The following SLIT3 variants were observed in gnomAD, a reference collection of about 807,000 sequenced individuals.
The protein encoded by SLIT3 is slit homolog 3 protein.
In SLIT3, 68 loss-of-function variants were observed where a neutral mutation model predicts 184.0. That is an observed-to-expected ratio of 0.37 (90% confidence interval 0.30 to 0.45). SLIT3 has a LOEUF of 0.45. Ranked by LOEUF, SLIT3 falls within the 20% of genes least tolerant of loss-of-function variation. SLIT3 has a pLI of 1.00. For synonymous variants in SLIT3, 831 were observed against 828.6 expected, an observed-to-expected ratio of 1.00 and a Z score of -0.05; for missense variants, 1,707 against 2,026.0, an observed-to-expected ratio of 0.84 and a Z score of 3.02.
At chr5:168,971,356 C>T (rs181141614) in intron 4 of SLIT3, among the ~76,000 whole-genome samples, 1 of 152,324 alleles carries the variant, frequency 6.6e-6, no homozygotes, top group Admixed American at 6.5e-5. Context: ...ACAACATGGC[C>T]AGGTGGTGGG....
chr5:169,054,801 C>G (rs1236805379), intron 4 of SLIT3, among the ~76,000 whole-genome samples: 1 of 152,176 alleles, frequency 6.6e-6, no homozygotes, highest in Non-Finnish European at 1.5e-5. Context: ...TTGCCTAACT[C>G]CTACACATCC....
At chr5:169,229,642 TTCTCTCTCTCTC>T (rs60056409) in intron 3 of SLIT3, among the ~76,000 whole-genome samples, 28 of 148,324 alleles carry the variant, frequency 1.9e-4, no homozygotes, top group African/African-American at 6.2e-4. Flanking sequence ...AAATAAATTC[TTCTCTCTCTCTC>T]TCTCTCTCTC....
At chr5:168,760,363 G>C (rs1463735851) in intron 16 of SLIT3, among the ~76,000 whole-genome samples, 1 of 152,212 alleles carries the variant, frequency 6.6e-6, no homozygotes, top group Non-Finnish European at 1.5e-5. Flanking sequence ...CCAAGGCATG[G>C]TCAGACCCAC....
chr5:169,187,111 G>GTTT (rs761501769), intron 4 of SLIT3, among the ~76,000 whole-genome samples: 2,538 of 94,302 alleles, frequency 0.027, 305 homozygotes, highest in African/African-American at 0.095. Context: ...GCAGCTATAG[G>GTTT]TTTTTTTTTT....
At chr5:168,837,546 G>A (rs1719659305) in intron 6 of SLIT3, among the ~76,000 whole-genome samples, 1 of 152,174 alleles carries the variant, frequency 6.6e-6, no homozygotes, top group South Asian at 2.1e-4. Flanking sequence ...AATGATTCCA[G>A]GACAACCATA....
intron 9 of SLIT3, among the ~76,000 whole-genome samples, chr5:168,802,146 G>GAA (rs57706263): frequency 1.0e-4 from 11 of 109,778 alleles, no homozygotes; most frequent in African/African-American, 1.2e-4. Context: ...TTCTCAATAA[G>GAA]AAAAAAAAAA....
At position 168,942,023 on chromosome 5, in the gene SLIT3, C is replaced by T. The variant is rs1006073154; in HGVS notation, c.414-58687G>A. Among the ~76,000 whole-genome samples, 6 of 152,226 alleles carry T rather than the reference C, an allele frequency of 3.9e-5. No individual in the cohort carries two copies. The East Asian group carries it at 9.7e-4, about 24-fold the overall frequency. ...CTGCATCTTTTTCAGTGTTGCTGTT[C>T]GGGATGAAAGGGAGGAGTGGGGCCA... On this transcript the variant is annotated intron_variant, in intron 4 of 35. Transcript: ENST00000519560.
At chr5:168,789,114 G>A (rs1408703511) in intron 11 of SLIT3, among the ~76,000 whole-genome samples, 1 of 152,102 alleles carries the variant, frequency 6.6e-6, no homozygotes, top group African/African-American at 2.4e-5. Flanking sequence ...TTAGGACAAT[G>A]GCCATGAGGG....
Position 168,817,356 on chromosome 5 carries a change from A to AAT in SLIT3, c.736_737insAT (p.Val246AspfsTer4). 1 of 1,614,166 alleles carries AAT rather than the reference A, an allele frequency of 6.2e-7. No individual in the cohort carries two copies. On this transcript the variant is annotated frameshift_variant, in exon 8 of 36. Coordinates refer to ENST00000519560, the MANE Select transcript of SLIT3 (RefSeq NM_003062.4). LOFTEE classifies it high-confidence loss of function. ...CGCCACGTTGAAGCCCCTCAAATGCACAGGAGCCATGCAGAGTGTGAACTG... is the reference window on the plus strand; with the variant it reads ...CGCCACGTTGAAGCCCCTCAAATGCAATCAGGAGCCATGCAGAGTGTGAACTG...
intron 20 of SLIT3, among the ~76,000 whole-genome samples, chr5:168,724,992 G>A (rs1440228262): frequency 6.6e-6 from 1 of 152,156 alleles, no homozygotes; most frequent in Admixed American, 6.5e-5. Flanking sequence ...TCCGGAAGCT[G>A]TTGGGAGAAC....
intron 4 of SLIT3, among the ~76,000 whole-genome samples, chr5:169,192,217 G>C (rs1763576810): frequency 1.3e-5 from 2 of 152,134 alleles, no homozygotes; most frequent in African/African-American, 4.8e-5. Flanking sequence ...GTAAAAAGGA[G>C]GGTATAGCCT....
chr5:168,729,308 C>T (rs1763226019), intron 20 of SLIT3, among the ~76,000 whole-genome samples: 1 of 151,932 alleles, frequency 6.6e-6, no homozygotes, highest in Non-Finnish European at 1.5e-5. Context: ...CAGGCAAATA[C>T]ATTGCAAAAA....
intron 5 of SLIT3, among the ~76,000 whole-genome samples, chr5:168,871,143 G>A (rs533504042): frequency 2.0e-5 from 3 of 152,150 alleles, no homozygotes; most frequent in African/African-American, 7.2e-5. Flanking sequence ...TTCCAGGATC[G>A]GGGTTGTCCT....
chr5:168,903,170 A>G (rs545897667), intron 4 of SLIT3, among the ~76,000 whole-genome samples: 1 of 152,290 alleles, frequency 6.6e-6, no homozygotes, highest in Non-Finnish European at 1.5e-5. Context: ...GTAAATTTTC[A>G]TTTAAAAAGC....
At chr5:168,964,358 A>G (rs1436361084) in intron 4 of SLIT3, among the ~76,000 whole-genome samples, 3 of 152,244 alleles carry the variant, frequency 2.0e-5, no homozygotes, top group Non-Finnish European at 4.4e-5. Flanking sequence ...GTTGGAAGTA[A>G]GTTTCCTGGA....
chr5:168,853,533 A>G (rs1354479211), intron 5 of SLIT3, among the ~76,000 whole-genome samples: 1 of 152,218 alleles, frequency 6.6e-6, no homozygotes, highest in Non-Finnish European at 1.5e-5. Flanking sequence ...AAACCATCAC[A>G]ACCATGATAA....
intron 4 of SLIT3, among the ~76,000 whole-genome samples, chr5:169,047,207 AG>A (rs1327101861): frequency 6.6e-6 from 1 of 152,102 alleles, no homozygotes; most frequent in Non-Finnish European, 1.5e-5. Flanking sequence ...CACCTTCTCG[AG>A]CCTCCTCTGG....
chr5:169,011,130 C>A (rs550133880), intron 4 of SLIT3, among the ~76,000 whole-genome samples: 40 of 152,130 alleles, frequency 2.6e-4, no homozygotes, highest in Admixed American at 7.2e-4. Context: ...AGCCTCCAGT[C>A]CAGCTCTGCT....
intron 33 of SLIT3, among the ~76,000 whole-genome samples, chr5:168,671,827 A>T (rs1049708289): frequency 6.6e-6 from 1 of 152,162 alleles, no homozygotes; most frequent in Admixed American, 6.5e-5. Flanking sequence ...GTTCCCCCCA[A>T]TAGGCAAGTG....
Sources: allele counts gnomAD v4.1 joint callset (sites outside exome capture counted in the v4.1 genomes callset), GRCh38; gene constraint gnomAD v4.1.1; transcripts MANE v1.5; gene names NCBI Gene and HGNC (gene_info 2026-07-23, HGNC 2026-07-21).